PRRG1: variants seen among roughly 807,000 people sequenced by gnomAD.
PRRG1 encodes the protein proline rich and Gla domain 1, also known as transmembrane gamma-carboxyglutamic acid protein 1.
PRRG1 carries 5 observed loss-of-function variants against 11.8 expected under a neutral mutation model. That is an observed-to-expected ratio of 0.42 (90% confidence interval 0.22 to 0.89). PRRG1 has a LOEUF of 0.89. Ranked by LOEUF, PRRG1 falls within the 40% of genes least tolerant of loss-of-function variation. The probability of loss-of-function intolerance (pLI) is 0.28; values close to 1 mark genes in which losing one functional copy is unlikely to be tolerated. For synonymous variants in PRRG1, 66 were observed against 60.4 expected (o/e 1.09, Z -0.43); for missense variants, 155 against 166.1 (o/e 0.93, Z 0.37).
chrX:37,399,255 G>A (rs1931855751), intron 1 of PRRG1, among the ~76,000 whole-genome samples: 1 of 111,767 alleles, frequency 8.9e-6, no homozygotes, highest in African/African-American at 3.3e-5. Context: ...CCCACAAAGG[G>A]AAGCCCATCA....
At position 37,432,110 on chromosome X, in the gene PRRG1, T is replaced by G. The variant is rs1064711; in HGVS notation, c.171+6110T>G. 2.3e-3 allele frequency among the ~76,000 whole-genome samples: 220 copies of G among 94,306 alleles called. 1 individual carries two copies. The highest frequency in any genetic ancestry group is 8.3e-3 in the African/African-American group (205 of 24,621). The allele number at this position is 94,306 out of a possible 115,157, so 81.9% of individuals were successfully genotyped here. A position where few individuals can be genotyped will look rare whatever the true frequency, so the allele number is the denominator to read the frequency against. On this transcript the variant is annotated intron_variant, in intron 3 of 3. Transcript: ENST00000378628. ...GAACAATGTTTTTTTTTTTTTGAGA[T>G]GGAGTCTCGCTCTGTCGCCCAGGCT...
intron 1 of PRRG1, among the ~76,000 whole-genome samples, chrX:37,372,223 A>G (rs1429755411): frequency 8.9e-6 from 1 of 112,191 alleles, no homozygotes; most frequent in Non-Finnish European, 1.9e-5. Flanking sequence ...TCCCTTAGTG[A>G]TGCTGAGCAT....
At position 37,438,402 on chromosome X, in the gene PRRG1, A is replaced by G. The variant is rs138957232; in HGVS notation, c.171+12402A>G. Among the ~76,000 whole-genome samples the G allele has an allele frequency of 3.1e-3, 315 of 101,859 alleles. 2 individuals are homozygous for G. Among genetic ancestry groups the G allele is most frequent in the African/African-American group, 0.011 (298 of 27,641 alleles). The allele number at this position is 101,859 out of a possible 115,157, so 88.5% of individuals were successfully genotyped here. A position where few individuals can be genotyped will look rare whatever the true frequency, so the allele number is the denominator to read the frequency against. On this transcript the variant is annotated intron_variant, in intron 3 of 3. Coordinates refer to ENST00000378628, the MANE Select transcript of PRRG1 (RefSeq NM_001142395.2). ...TGCAGTTTACATACTATGACATGGC[A>G]TGGATTCGTTGAAAGCAGAATTTTT...
intron 1 of PRRG1, among the ~76,000 whole-genome samples, chrX:37,354,973 G>A (rs782094922): frequency 6.3e-5 from 7 of 110,684 alleles, no homozygotes; most frequent in Admixed American, 9.6e-5. Flanking sequence ...GTGTAGTGGC[G>A]CAAACACGGC....
intron 3 of PRRG1, among the ~76,000 whole-genome samples, chrX:37,427,251 C>T (rs1266765850): frequency 2.7e-5 from 3 of 111,743 alleles, no homozygotes; most frequent in Non-Finnish European, 5.6e-5. Context: ...GTACTTTATA[C>T]AAGTGAATAA....
intron 1 of PRRG1, among the ~76,000 whole-genome samples, chrX:37,401,240 A>G (rs1226776606): frequency 3.6e-5 from 4 of 111,206 alleles, no homozygotes; most frequent in African/African-American, 6.5e-5. Context: ...CCTCAATAAA[A>G]TACTGGCAAA....
intron 1 of PRRG1, among the ~76,000 whole-genome samples, chrX:37,374,101 T>G (rs1421049524): frequency 8.9e-6 from 1 of 112,346 alleles, no homozygotes; most frequent in African/African-American, 3.2e-5. Context: ...TGAATTATCC[T>G]TGTGTTCCAG....
At chrX:37,356,546 G>A (rs1466152815) in intron 1 of PRRG1, among the ~76,000 whole-genome samples, 2 of 110,289 alleles carry the variant, frequency 1.8e-5, no homozygotes, top group Non-Finnish European at 3.8e-5. Flanking sequence ...GGGAGTGGTG[G>A]GAAGATTGCA....
At chrX:37,358,924 G>A (rs1438367114) in intron 1 of PRRG1, among the ~76,000 whole-genome samples, 3 of 111,104 alleles carry the variant, frequency 2.7e-5, no homozygotes, top group African/African-American at 9.8e-5. Context: ...TGGAGATCTT[G>A]CTCATCGCTG....
chrX:37,420,818 C>T (rs977686259), intron 2 of PRRG1, among the ~76,000 whole-genome samples: 1 of 110,909 alleles, frequency 9.0e-6, no homozygotes, highest in East Asian at 2.8e-4. Flanking sequence ...GCCAAGATCA[C>T]ATCACTGCAC....
rs186713561 is a variant in PRRG1, at chrX:37,414,886, C to G, written c.10+8627C>G. Among the ~76,000 whole-genome samples, 888 of 112,237 alleles carry G rather than the reference C, an allele frequency of 7.9e-3. 1 individual carries two copies. The highest frequency in any genetic ancestry group is 0.012 in the Non-Finnish European group (647 of 53,234). The stretch of plus-strand genomic sequence containing the variant: ...CTCTGATGGTGACAAATCATTCACT[C>G]TCTATTTCATGGATTTGAAGTATAT... On this transcript the variant is annotated intron_variant, in intron 2 of 3. Transcript: ENST00000378628.
chrX:37,392,657 C>CAAAAAAAA (rs11296949), intron 1 of PRRG1, among the ~76,000 whole-genome samples: 2 of 50,832 alleles, frequency 3.9e-5, no homozygotes, highest in Non-Finnish European at 4.2e-5. Context: ...GACTCTGTCT[C>CAAAAAAAA]AAAAAAAAAA....
At chrX:37,401,175 CA>C in intron 1 of PRRG1, among the ~76,000 whole-genome samples, 1 of 110,577 alleles carries the variant, frequency 9.0e-6, no homozygotes. Flanking sequence ...GGCAGAGACA[CA>C]ACCAAAAAAG....
At chrX:37,425,759 G>C in intron 2 of PRRG1, 81 bp from the exon 3 acceptor site, 1 of 907,692 alleles carries the variant, frequency 1.1e-6, no homozygotes, top group Non-Finnish European at 1.5e-6. Flanking sequence ...TGTTGGCTAT[G>C]TTTTCTAAAG....
At chrX:37,406,362 G>T in intron 2 of PRRG1, 103 bp downstream of exon 2, 1 of 850,727 alleles carries the variant, frequency 1.2e-6, no homozygotes, top group Admixed American at 2.5e-5. Context: ...CACCTAAATT[G>T]TATTTCTTGT....
intron 1 of PRRG1, among the ~76,000 whole-genome samples, chrX:37,383,964 A>G (rs1258437176): frequency 9.1e-6 from 1 of 110,287 alleles, no homozygotes; most frequent in East Asian, 2.8e-4. Context: ...CTAAAATTTA[A>G]TCGGTAAACT....
chrX:37,384,496 C>T (rs782307857), intron 1 of PRRG1, among the ~76,000 whole-genome samples: 2 of 111,710 alleles, frequency 1.8e-5, no homozygotes, highest in Non-Finnish European at 3.8e-5. Flanking sequence ...AGAAGAGGCA[C>T]GTAACTATAT....
chrX:37,432,519 A>G (rs1243506951), intron 3 of PRRG1, among the ~76,000 whole-genome samples: 1 of 111,971 alleles, frequency 8.9e-6, no homozygotes, highest in Non-Finnish European at 1.9e-5. Context: ...AATTCCTTCA[A>G]CTGTGAGAGA....
At chrX:37,426,383 C>T (rs1932774069) in intron 3 of PRRG1, among the ~76,000 whole-genome samples, 1 of 111,916 alleles carries the variant, frequency 8.9e-6, no homozygotes, top group Non-Finnish European at 1.9e-5. Flanking sequence ...ACTTCTCGTA[C>T]AAAAGAAAAG....
Sources: gnomAD v4.1 joint callset for allele counts (sites outside exome capture counted in the v4.1 genomes callset) on GRCh38, gnomAD v4.1.1 for gene constraint, MANE v1.5 for transcripts, NCBI Gene and HGNC (gene_info 2026-07-23, HGNC 2026-07-21) for gene names.